Variants in CAPZB observed in about 807,000 individuals in gnomAD.
CAPZB encodes capping actin protein of muscle Z-line subunit beta, also known as F-actin-capping protein subunit beta.
Under a neutral mutation model 38.1 loss-of-function variants are expected in CAPZB, and 2 were observed. The ratio of observed to expected loss-of-function variants is 0.05; its 90% confidence interval spans 0.02 to 0.17. The LOEUF is 0.17. CAPZB is among the 10% of genes least tolerant of loss of function. The probability of loss-of-function intolerance (pLI) is 1.00; values close to 1 mark genes in which losing one functional copy is unlikely to be tolerated. For synonymous variants in CAPZB, 107 were observed against 127.4 expected, an observed-to-expected ratio of 0.84 and a Z score of 1.08; for missense variants, 161 against 334.2, an observed-to-expected ratio of 0.48 and a Z score of 4.04.
chr1:19,416,648 C>T (rs188829511), intron 2 of CAPZB, among the ~76,000 whole-genome samples: 8 of 151,958 alleles, frequency 5.3e-5, no homozygotes, highest in Non-Finnish European at 1.2e-4. Context: ...GTCAGCAGTT[C>T]GAGACCAGCC....
chr1:19,459,866 T>C (rs898184892), intron 1 of CAPZB, among the ~76,000 whole-genome samples: 2 of 152,278 alleles, frequency 1.3e-5, no homozygotes, highest in East Asian at 1.9e-4. Flanking sequence ...GTGAATCCAC[T>C]GTCTACACCG....
At chr1:19,372,736 G>T (rs762155716) in intron 4 of CAPZB, among the ~76,000 whole-genome samples, 1 of 152,176 alleles carries the variant, frequency 6.6e-6, no homozygotes, top group African/African-American at 2.4e-5. Context: ...ATGATCCTCC[G>T]AGCCAGCTGC....
rs563590984 is a variant in CAPZB, at chr1:19,475,676, G to A, written c.3+9760C>T. ...AGCTCAGGCCCAGAGATCTGGACAT[G>A]GCTAGTCTCACAGTGGAATTGCCTG... On this transcript the variant is annotated intron_variant, in intron 1 of 8. Transcript: ENST00000264202. Among the ~76,000 whole-genome samples, 3 of 152,350 alleles carry A rather than the reference G, an allele frequency of 2.0e-5. No individual in the cohort carries two copies. The South Asian group carries it at 6.2e-4, about 32-fold the overall frequency.
chr1:19,453,645 C>G (rs762272561), intron 1 of CAPZB, among the ~76,000 whole-genome samples: 2 of 152,148 alleles, frequency 1.3e-5, no homozygotes, highest in Non-Finnish European at 2.9e-5. Flanking sequence ...TGGAAGGCCT[C>G]TCTCTCCTTC....
chr1:19,435,909 G>A (rs1428832482), intron 1 of CAPZB, among the ~76,000 whole-genome samples: 6 of 152,210 alleles, frequency 3.9e-5, no homozygotes, highest in Admixed American at 3.9e-4. Context: ...GCACAGTTGA[G>A]TCACAAGTGA....
chr1:19,446,412 A>T (rs1178770459), intron 1 of CAPZB, among the ~76,000 whole-genome samples: 1 of 152,238 alleles, frequency 6.6e-6, no homozygotes, highest in Admixed American at 6.5e-5. Context: ...TGAGTGGAAG[A>T]TTATGAACTA....
intron 2 of CAPZB, among the ~76,000 whole-genome samples, chr1:19,391,338 AC>A (rs1020087970): frequency 1.3e-4 from 20 of 152,292 alleles, no homozygotes; most frequent in African/African-American, 4.8e-4. Flanking sequence ...TAAGAAGTGC[AC>A]CCTTGTACCT....
chr1:19,456,751 G>A (rs1382114617), intron 1 of CAPZB, among the ~76,000 whole-genome samples: 1 of 152,178 alleles, frequency 6.6e-6, no homozygotes, highest in African/African-American at 2.4e-5. Context: ...CGATGGCAGG[G>A]GCTGCTCAGA....
rs545656505 is a variant in CAPZB at position 19,412,282 on chromosome 1, G to A, written c.93+7379C>T. On this transcript the variant is annotated intron_variant, in intron 2 of 8. Transcript: ENST00000264202. ...GGCTCCTGCTCCAGAGATAACATTC[G>A]GCTCAGAGGAGAAAACTTCCAGGCA... Among the ~76,000 whole-genome samples, 19 of 152,234 alleles carry A rather than the reference G, an allele frequency of 1.2e-4. No homozygotes were observed. The South Asian group carries it at 3.3e-3, about 27-fold the overall frequency.
intron 2 of CAPZB, among the ~76,000 whole-genome samples, chr1:19,385,987 T>A (rs2094201966): frequency 6.6e-6 from 1 of 152,074 alleles, no homozygotes; most frequent in Non-Finnish European, 1.5e-5. Flanking sequence ...GAGAAGAAGG[T>A]AAACATTTCA....
intron 1 of CAPZB, among the ~76,000 whole-genome samples, chr1:19,460,820 G>C (rs910552335): frequency 6.6e-6 from 1 of 151,896 alleles, no homozygotes; most frequent in South Asian, 2.1e-4. Flanking sequence ...AGGCAGCCAG[G>C]GACCCCAGCT....
intron 1 of CAPZB, among the ~76,000 whole-genome samples, chr1:19,448,087 C>A (rs1457840480): frequency 6.6e-6 from 1 of 152,190 alleles, no homozygotes; most frequent in Non-Finnish European, 1.5e-5. Flanking sequence ...GCTTTTCTTT[C>A]GGAGGAAAAT....
intron 4 of CAPZB, among the ~76,000 whole-genome samples, chr1:19,375,304 A>G: frequency 6.6e-6 from 1 of 152,202 alleles, no homozygotes; most frequent in East Asian, 1.9e-4. Context: ...TCTTCAGCAC[A>G]CTCCGATGGC....
chr1:19,445,290 T>C lies in CAPZB; in HGVS notation c.4-25540A>G, dbSNP rs368157381. Among the ~76,000 whole-genome samples, 123 of 151,958 alleles carry C rather than the reference T, an allele frequency of 8.1e-4. 1 individual carries two copies. In the South Asian group the frequency reaches 0.025, roughly 30 times the overall value. On this transcript the variant is annotated intron_variant, in intron 1 of 8. Transcript: ENST00000264202. ...AAATTTCAGAGCCATATTTTAAAAA[T>C]GTGCTCAGAAGACTCGAACAAAAAC...
intron 2 of CAPZB, among the ~76,000 whole-genome samples, chr1:19,408,394 T>G (rs573381658): frequency 2.0e-5 from 3 of 152,240 alleles, no homozygotes; most frequent in Non-Finnish European, 4.4e-5. Flanking sequence ...GGAGATGAAG[T>G]GCCTTGTCCA....
chr1:19,400,908 C>G (rs1171020924), intron 2 of CAPZB, among the ~76,000 whole-genome samples: 7 of 152,190 alleles, frequency 4.6e-5, no homozygotes, highest in Non-Finnish European at 1.0e-4. Flanking sequence ...CGATCCTGAC[C>G]TGGTTCAGAT....
At chr1:19,399,447 C>A (rs2094291295) in intron 2 of CAPZB, among the ~76,000 whole-genome samples, 1 of 152,154 alleles carries the variant, frequency 6.6e-6, no homozygotes. Context: ...CACTCTCAGT[C>A]GTAGCTGTTT....
intron 2 of CAPZB, among the ~76,000 whole-genome samples, chr1:19,393,461 C>G (rs1259829679): frequency 1.3e-5 from 2 of 152,198 alleles, no homozygotes; most frequent in East Asian, 1.9e-4. Context: ...ATTGAGGGCA[C>G]CCCCCAACCT....
chr1:19,398,524 G>T (rs1005443659), intron 2 of CAPZB, among the ~76,000 whole-genome samples: 1 of 152,180 alleles, frequency 6.6e-6, no homozygotes, highest in Non-Finnish European at 1.5e-5. Flanking sequence ...GTGTCTGAGT[G>T]GGGGAGCGGG....
Sources: allele counts gnomAD v4.1 joint callset (sites outside exome capture counted in the v4.1 genomes callset), GRCh38; gene constraint gnomAD v4.1.1; transcripts MANE v1.5; gene names NCBI Gene and HGNC (gene_info 2026-07-23, HGNC 2026-07-21).